FBXW7: variants seen among roughly 807,000 people sequenced by gnomAD.
FBXW7 encodes the protein F-box and WD repeat domain containing 7, also known as F-box/WD repeat-containing protein 7.
In FBXW7, 11 loss-of-function variants were observed where a neutral mutation model predicts 86.3. The ratio of observed to expected loss-of-function variants is 0.13; its 90% confidence interval spans 0.08 to 0.21. The LOEUF is 0.21. Ranked by LOEUF, FBXW7 falls within the 10% of genes least tolerant of loss-of-function variation. FBXW7 has a pLI of 1.00. For missense variants in FBXW7, 488 were observed against 847.4 expected (o/e 0.58, Z 5.27); for synonymous variants, 313 against 297.9 (o/e 1.05, Z -0.52).
chr4:152,385,724 G>T lies in FBXW7; in HGVS notation c.501+25579C>A, dbSNP rs532253052. Among the ~76,000 whole-genome samples, 11 of 152,066 alleles carry T rather than the reference G, an allele frequency of 7.2e-5. No homozygotes were observed. The South Asian group carries it at 1.7e-3, about 23-fold the overall frequency. On this transcript the variant is annotated intron_variant, in intron 4 of 13. Coordinates refer to ENST00000281708, the MANE Select transcript of FBXW7 (RefSeq NM_001349798.2). ...ATACCAAGTTTTGGTAAGCACAAGG[G>T]GGTAACATTCTAATTCAATTATTAT...
At chr4:152,326,757 C>A (rs965236230) in intron 11 of FBXW7, among the ~76,000 whole-genome samples, 5 of 151,974 alleles carry the variant, frequency 3.3e-5, no homozygotes, top group African/African-American at 1.2e-4. Context: ...AAAGTTTATA[C>A]AACAAAACAA....
At chr4:152,363,628 T>C (rs1426165517) in intron 4 of FBXW7, among the ~76,000 whole-genome samples, 4 of 152,208 alleles carry the variant, frequency 2.6e-5, no homozygotes, top group Non-Finnish European at 4.4e-5. Context: ...GCAAACTTTA[T>C]TCCAGTTTGA....
At chr4:152,445,910 T>TAAAAAAAAAAAAA (rs11457603) in intron 2 of FBXW7, among the ~76,000 whole-genome samples, 1 of 100,642 alleles carries the variant, frequency 9.9e-6, no homozygotes, top group Non-Finnish European at 2.3e-5. Flanking sequence ...ACTCTGTCTT[T>TAAAAAAAAAAAAA]AAAAAAAAAA....
At chr4:152,393,343 A>G (rs1736151251) in intron 4 of FBXW7, among the ~76,000 whole-genome samples, 1 of 152,184 alleles carries the variant, frequency 6.6e-6, no homozygotes, top group African/African-American at 2.4e-5. Context: ...TTCTGAGTAA[A>G]GAAGCACAAA....
chr4:152,512,734 G>A (rs1012237236), intron 2 of FBXW7, among the ~76,000 whole-genome samples: 1 of 152,290 alleles, frequency 6.6e-6, no homozygotes, highest in African/African-American at 2.4e-5. Flanking sequence ...AGGAGACTGC[G>A]CAAAGAGGAA....
intron 4 of FBXW7, among the ~76,000 whole-genome samples, chr4:152,407,618 T>C (rs1021480119): frequency 4.6e-5 from 7 of 152,196 alleles, no homozygotes; most frequent in Non-Finnish European, 5.9e-5. Flanking sequence ...GATACCCTGA[T>C]TGGTTAATGA....
At chr4:152,424,653 A>G (rs573030373) in intron 2 of FBXW7, among the ~76,000 whole-genome samples, 18 of 152,216 alleles carry the variant, frequency 1.2e-4, no homozygotes, top group Non-Finnish European at 2.5e-4. Flanking sequence ...TCTGCTAGAG[A>G]CACTAGAGTT....
chr4:152,500,496 C>CA (rs34375454), intron 2 of FBXW7, among the ~76,000 whole-genome samples: 7,539 of 72,304 alleles, frequency 0.1, 465 homozygotes, highest in African/African-American at 0.17. Context: ...GCTTTGTCAG[C>CA]AAAAAAAAAA....
intron 2 of FBXW7, among the ~76,000 whole-genome samples, chr4:152,437,293 T>C (rs551518880): frequency 6.6e-6 from 1 of 151,966 alleles, no homozygotes; most frequent in South Asian, 2.1e-4. Context: ...AAGAATCACT[T>C]GAACCCGGCA....
chr4:152,328,169 A>T (rs2126511784), intron 11 of FBXW7, 39 bp downstream of exon 11: 1 of 1,549,904 alleles, frequency 6.5e-7, no homozygotes, highest in Admixed American at 2.0e-5. Flanking sequence ...CACCAATAAT[A>T]GAGGAAGAAG....
chr4:152,410,316 A>G (rs1392319347), intron 4 of FBXW7, among the ~76,000 whole-genome samples: 1 of 152,206 alleles, frequency 6.6e-6, no homozygotes, highest in Non-Finnish European at 1.5e-5. Flanking sequence ...GAATGACACT[A>G]TAAAAGGTCT....
chr4:152,392,371 A>C (rs1261152099), intron 4 of FBXW7, among the ~76,000 whole-genome samples: 1 of 152,128 alleles, frequency 6.6e-6, no homozygotes, highest in Non-Finnish European at 1.5e-5. Flanking sequence ...GGTAGTCCTG[A>C]TGTGCTGGCT....
intron 4 of FBXW7, among the ~76,000 whole-genome samples, chr4:152,395,293 G>T (rs916776365): frequency 1.3e-5 from 2 of 151,974 alleles, no homozygotes; most frequent in Non-Finnish European, 2.9e-5. Flanking sequence ...TGATGCAGCT[G>T]GTCCAAGGTA....
At chr4:152,397,989 T>G (rs529589333) in intron 4 of FBXW7, among the ~76,000 whole-genome samples, 4 of 152,088 alleles carry the variant, frequency 2.6e-5, no homozygotes, top group South Asian at 2.1e-4. Flanking sequence ...GCATAGTAAG[T>G]CTGCACATAC....
In FBXW7 at chr4:152,434,968, C is replaced by G. The variant is rs1037532898; in HGVS notation, c.-119-22439G>C. Among the ~76,000 whole-genome samples the G allele has an allele frequency of 1.1e-4, 17 of 150,720 alleles. No homozygotes were observed. The Middle Eastern group carries it at 0.01, about 93-fold the overall frequency. On this transcript the variant is annotated intron_variant, in intron 2 of 13. Transcript: ENST00000281708. ...CTCCTTTCCCCCCGCTCCCCCCCCC[C>G]CACACACAAGCTCTTCCTTTACATG...
At chr4:152,392,470 T>TA (rs1736076426) in intron 4 of FBXW7, among the ~76,000 whole-genome samples, 1 of 152,050 alleles carries the variant, frequency 6.6e-6, no homozygotes, top group African/African-American at 2.4e-5. Flanking sequence ...TAGGAGATGA[T>TA]ACGGAAAAAG....
intron 2 of FBXW7, among the ~76,000 whole-genome samples, chr4:152,515,124 A>G (rs984399482): frequency 3.9e-5 from 6 of 152,226 alleles, no homozygotes; most frequent in Admixed American, 6.5e-5. Context: ...GAAAGCTTCA[A>G]GAAGAATCAC....
intron 2 of FBXW7, among the ~76,000 whole-genome samples, chr4:152,489,597 T>C (rs1309476381): frequency 6.6e-6 from 1 of 152,138 alleles, no homozygotes; most frequent in South Asian, 2.1e-4. Flanking sequence ...CTTCAAAGTA[T>C]TGGGAAAATA....
rs1172818260 is a variant in FBXW7, at chr4:152,535,488, C to T, written c.-574G>A. 7 of 394,368 alleles carry T rather than the reference C, an allele frequency of 1.8e-5. No individual in the cohort carries two copies. Among genetic ancestry groups the T allele is most frequent in the Admixed American group, 8.9e-5 (2 of 22,568 alleles). The allele number at this position is 394,368 out of a possible 1,614,324, so 24.4% of individuals were successfully genotyped here. On this transcript the variant is annotated 5_prime_UTR_variant, in exon 1 of 14. Transcript: ENST00000281708. ...CGCCGCTTCACATCGGGGTCCCCGC[C>T]CCCCCGGCCGGGGGGTGGTTGCCGA...
Sources: allele counts gnomAD v4.1 joint callset (sites outside exome capture counted in the v4.1 genomes callset), GRCh38; gene constraint gnomAD v4.1.1; transcripts MANE v1.5; gene names NCBI Gene and HGNC (gene_info 2026-07-23, HGNC 2026-07-21).